PCDH8: variants seen among roughly 807,000 people sequenced by gnomAD.
PCDH8 encodes the protein protocadherin-8.
Under a neutral mutation model 58.2 loss-of-function variants are expected in PCDH8, and 36 were observed. That is an observed-to-expected ratio of 0.62 (90% CI 0.47 to 0.82). The LOEUF (loss-of-function observed/expected upper bound fraction) is 0.82. Among genes scored for constraint, PCDH8 ranks in the 40% least tolerant of loss-of-function variants. PCDH8 has a pLI of 0.00. For synonymous variants in PCDH8, 775 were observed against 728.9 expected (o/e 1.06, Z -1.02); for missense variants, 1,493 against 1,567.8 (o/e 0.95, Z 0.81).
In PCDH8 at chr13:52,845,273, C is replaced by T. The variant is rs1453017254; in HGVS notation, c.2839+152G>A. On this transcript the variant is annotated intron_variant, in intron 2 of 2. Transcript: ENST00000377942. ...CTCGACTTGGCATTTTGAAATTCAC[C>T]GTGTGAGGCAGGCCCGTATCCGCAG... 1.4e-5 allele frequency: 10 copies of T among 734,244 alleles called. No homozygotes were observed. The Admixed American group carries it at 2.3e-4, about 17-fold the overall frequency. The allele number at this position is 734,244 out of a possible 1,614,324, so 45.5% of individuals were successfully genotyped here. A position where few individuals can be genotyped will look rare whatever the true frequency, so the allele number is the denominator to read the frequency against.
In PCDH8 at chr13:52,847,367, G is replaced by T; in HGVS notation, c.1070C>A (p.Thr357Asn). ...CGGCGCGCCTGGGGCGGCCAGCGGG[G>T]TGATGGCGATGTCGGGTGCGTTGTC... ...VNDNAPDIAI[T>N]PLAAPGAPAT... is the part of the protein sequence containing the mutation. Residue 357 changes from threonine (T) to asparagine (N), a missense_variant, in exon 1 of 3, where the codon ACC becomes AAC. By Grantham distance (65) the Thr-to-Asn change is moderately conservative (BLOSUM62 0). Around this residue, in one of 3 missense-constraint regions of PCDH8, gnomAD observed 1,307 missense variants for 1,362.7 expected, o/e 0.96. Transcript: ENST00000377942. 1 of 1,512,830 alleles carries T rather than the reference G, an allele frequency of 6.6e-7. No homozygotes were observed. The highest frequency in any genetic ancestry group is 8.8e-7 in the Non-Finnish European group (1 of 1,136,748). 93.7% of individuals were successfully genotyped at this position (1,512,830 alleles called of 1,614,324 possible). A position where few individuals can be genotyped will look rare whatever the true frequency, so the allele number is the denominator to read the frequency against.
rs2138356919 is a variant in PCDH8 at position 52,847,670 on chromosome 13, G to A, written c.767C>T (p.Ala256Val). The A allele has an allele frequency of 6.4e-7, 1 of 1,565,970 alleles. No individual in the cohort carries two copies. The highest frequency in any genetic ancestry group is 8.6e-7 in the Non-Finnish European group (1 of 1,165,508). The change falls in exon 1 of 3, where the codon GCG becomes GTG. Residue 256 changes from alanine (A) to valine (V), a missense_variant. This residue lies in a region of PCDH8 where 1,307 missense variants were observed against 1,362.7 expected (regional missense o/e 0.96). Transcript: ENST00000377942. ...PQGAVAEVEL[A>V]EDAPVGSLLL... Reference sequence around the variant, plus strand: ...CAGGGAGCCCACGGGCGCGTCTTCCGCCAGCTCCACTTCGGCCACGGCGCC... The same window carrying A: ...CAGGGAGCCCACGGGCGCGTCTTCCACCAGCTCCACTTCGGCCACGGCGCC...
chr13:52,845,590 G>A lies in PCDH8; in HGVS notation c.2674C>T (p.Pro892Ser). ...GAGTGTCCTTTCCACACCGCCACAG[G>A]GGGCGCCGGCTCCTTTCCAAAACCC... ...SPGFGKEPAP[P>S]VAVWKGHSFN... Residue 892 changes from proline to serine, a missense_variant, in exon 2 of 3, where the codon CCT becomes TCT. Physicochemically the swap from Pro to Ser is moderately conservative, Grantham distance 74 (BLOSUM62 -1). This residue lies in a region of PCDH8 where 1,307 missense variants were observed against 1,362.7 expected (regional missense o/e 0.96). Transcript: ENST00000377942. 7.4e-6 allele frequency: 12 copies of A among 1,614,142 alleles called. No homozygotes were observed. The highest frequency in any genetic ancestry group is 1.0e-5 in the Non-Finnish European group (12 of 1,180,032).
chr13:52,846,362 A>G lies in PCDH8; in HGVS notation c.2075T>C (p.Ile692Thr). Residue 692 changes from isoleucine to threonine, a missense_variant, in exon 1 of 3, where the codon ATA becomes ACA. Around this residue, in one of 3 missense-constraint regions of PCDH8, gnomAD observed 1,307 missense variants for 1,362.7 expected, o/e 0.96. Transcript: ENST00000377942. ...GAGCGGGGGACGGCCGCCGTCGGAT[A>G]TGACCAGGAGCGCCCTGAACACGCG... ...PGRVFRALLV[I>T]SDGGRPPLTT... 1 of 1,576,046 alleles carries G rather than the reference A, an allele frequency of 6.3e-7. No individual in the cohort carries two copies. The highest frequency in any genetic ancestry group is 1.7e-4 in the Middle Eastern group (1 of 5,924).
In PCDH8 at chr13:52,848,228, T is replaced by C; in HGVS notation, c.209A>G (p.Asn70Ser). The C allele has an allele frequency of 2.5e-6, 4 of 1,613,570 alleles. No homozygotes were observed. The highest frequency in any genetic ancestry group is 2.5e-6 in the Non-Finnish European group (3 of 1,179,968). The change falls in exon 1 of 3, where the codon AAC becomes AGC. Residue 70 changes from asparagine to serine, a missense_variant. This residue lies in a region of PCDH8 where 1,307 missense variants were observed against 1,362.7 expected (regional missense o/e 0.96). Transcript: ENST00000377942. Reference protein sequence around the residue: ...DTSFRLMKQFNSSLLRVREGD... With the variant: ...DTSFRLMKQFSSSLLRVREGD... ...TTCGCGCACCCGGAGCAGAGAGCTG[T>C]TGAATTGCTTCATCAGGCGGAAGCT...
In PCDH8 at chr13:52,844,828, G is replaced by A. The variant is rs1351252109; in HGVS notation, c.2945C>T (p.Ala982Val). Residue 982 changes from alanine to valine, a missense_variant, in exon 3 of 3, where the codon GCC (alanine) becomes GTC (valine). Physicochemically the swap from Ala to Val is moderately conservative, Grantham distance 64. Coordinates refer to ENST00000377942, the MANE Select transcript of PCDH8 (RefSeq NM_002590.4). ...PNAHPSPHPP[A>V]QMSTFCKSTS... Reference sequence around the variant, plus strand: ...GCTCTTACAGAAGGTTGACATCTGGGCTGGTGGGTGAGGCGATGGATGTGC... The same window carrying A: ...GCTCTTACAGAAGGTTGACATCTGGACTGGTGGGTGAGGCGATGGATGTGC... 1 of 1,612,266 alleles carries A rather than the reference G, an allele frequency of 6.2e-7. No homozygotes were observed. The highest frequency in any genetic ancestry group is 8.5e-7 in the Non-Finnish European group (1 of 1,179,148).
At position 52,845,922 on chromosome 13, in the gene PCDH8, C is replaced by T. The variant is rs1265980141; in HGVS notation, c.2515G>A (p.Ala839Thr). ...KAPFGSPAAD[A>T]PPPAVAAAEV... ...GCCGCGGCGACCGCAGGCGGAGGCG[C>T]GTCCGCCGCGGGGCTGCCAAAGGGC... is the stretch of plus-strand genomic sequence containing the variant. Residue 839 changes from alanine to threonine, a missense_variant, in exon 1 of 3, where the codon GCG (alanine) becomes ACG (threonine). Coordinates refer to ENST00000377942, the MANE Select transcript of PCDH8 (RefSeq NM_002590.4). 4 of 1,478,648 alleles carry T rather than the reference C, an allele frequency of 2.7e-6. 1 individual carries two copies. The South Asian group carries it at 3.9e-5, about 15-fold the overall frequency. 91.6% of individuals were successfully genotyped at this position (1,478,648 alleles called of 1,614,324 possible).
rs758566629 is a variant in PCDH8, at chr13:52,846,005, C to G, written c.2432G>C (p.Gly811Ala). 6.8e-7 allele frequency: 1 copy of G among 1,470,180 alleles called. No homozygotes were observed. 91.1% of individuals were successfully genotyped at this position (1,470,180 alleles called of 1,614,324 possible). Residue 811 changes from glycine to alanine, a missense_variant, in exon 1 of 3, where the codon GGA becomes GCA. Gly to Ala is a moderately conservative substitution (Grantham distance 60). Transcript: ENST00000377942. The part of the protein sequence containing the change: ...APGSPEEAAR[G>A]AGPRPNMFDV... ...GAACATGTTGGGCCTGGGCCCGGCT[C>G]CCCGGGCGGCCTCCTCCGGGGAGCC...
Position 52,847,306 on chromosome 13 carries a change from A to AGCG in PCDH8, c.1128_1130dup (p.Ala378dup). 3.6e-6 allele frequency: 5 copies of AGCG among 1,401,968 alleles called. No homozygotes were observed. The highest frequency in any genetic ancestry group is 1.5e-5 in the African/African-American group (1 of 66,966). 86.8% of individuals were successfully genotyped at this position (1,401,968 alleles called of 1,614,324 possible). ...AGCTAGCGTCCGCTCCCCCGAGTGC[A>AGCG]GCGGCGGCGGCGGCAGCGGCGAAGG... On this transcript the variant is annotated inframe_insertion, in exon 1 of 3. Coordinates refer to ENST00000377942, the MANE Select transcript of PCDH8 (RefSeq NM_002590.4).
Position 52,846,592 on chromosome 13 carries a change from G to T in PCDH8, c.1845C>A (p.Ala615=). The change falls in exon 1 of 3, where the codon GCC becomes GCA. Residue 615 remains alanine, a synonymous_variant. Transcript: ENST00000377942. ...HAPVLVHPAP[A]NGSLEVAVPG... ...GCACCGCCACTTCTAGGGAGCCATT[G>T]GCTGGCGCCGGGTGCACCAGGACTG... 2 of 1,606,018 alleles carry T rather than the reference G, an allele frequency of 1.2e-6. No homozygotes were observed. The highest frequency in any genetic ancestry group is 1.7e-6 in the Non-Finnish European group (2 of 1,179,144).
Position 52,846,678 on chromosome 13 carries a change from G to C in PCDH8, c.1759C>G (p.Pro587Ala). ...ACTAGGGCGCTGCTGGAAAGCTGAG[G>C]GGAGCCGCCGTCGCTAGCTTGGATG... Reference protein sequence around the residue: ...VRIQASDGGSPQLSSSALVQV... With the variant: ...VRIQASDGGSAQLSSSALVQV... Residue 587 changes from proline (P) to alanine (A), a missense_variant, in exon 1 of 3, where the codon CCT becomes GCT. By Grantham distance (27) the Pro-to-Ala change is conservative. This residue lies in a region of PCDH8 where 1,307 missense variants were observed against 1,362.7 expected (regional missense o/e 0.96). Coordinates refer to ENST00000377942, the MANE Select transcript of PCDH8 (RefSeq NM_002590.4). 1 of 1,601,030 alleles carries C rather than the reference G, an allele frequency of 6.2e-7. No homozygotes were observed. The highest frequency in any genetic ancestry group is 8.5e-7 in the Non-Finnish European group (1 of 1,177,182).
At position 52,843,155 on chromosome 13, in the gene PCDH8, T is replaced by C. The variant is rs1187221417; in HGVS notation, c.*1405A>G. The C allele has an allele frequency of 2.0e-5, 3 of 152,238 alleles. No homozygotes were observed. Among genetic ancestry groups the C allele is most frequent in the Non-Finnish European group, 4.4e-5 (3 of 68,046 alleles). 9.4% of individuals were successfully genotyped at this position (152,238 alleles called of 1,614,324 possible). A position where few individuals can be genotyped will look rare whatever the true frequency, so the allele number is the denominator to read the frequency against. On this transcript the variant is annotated 3_prime_UTR_variant, in exon 3 of 3. Transcript: ENST00000377942. ...TTAGGTCTCATTATGCTTATCATCA[T>C]TTTAATTTCAAATGAAATCCATAGA...
rs762035455 is a variant in PCDH8, at chr13:52,846,129, T to C, written c.2308A>G (p.Ile770Val). Residue 770 changes from isoleucine (I) to valine (V), a missense_variant, in exon 1 of 3, where the codon ATC (isoleucine) becomes GTC (valine). Around this residue, in one of 3 missense-constraint regions of PCDH8, gnomAD observed 1,307 missense variants for 1,362.7 expected, o/e 0.96. Coordinates refer to ENST00000377942, the MANE Select transcript of PCDH8 (RefSeq NM_002590.4). ...TTGCGGCGGTTGCAGGTGGTGGCGATGGCGATGATGGCGGCCAGCAGCAGC... is the reference window on the plus strand; with the variant it reads ...TTGCGGCGGTTGCAGGTGGTGGCGACGGCGATGATGGCGGCCAGCAGCAGC... ...CTLLLAAIIAIATTCNRRKKE... is the reference protein window; with the variant it reads ...CTLLLAAIIAVATTCNRRKKE... 14 of 1,581,778 alleles carry C rather than the reference T, an allele frequency of 8.9e-6. No individual in the cohort carries two copies. The South Asian group carries it at 1.5e-4, about 17-fold the overall frequency.
At position 52,845,641 on chromosome 13, in the gene PCDH8, G is replaced by A. The variant is rs368639996; in HGVS notation, c.2632-9C>T. 3.8e-5 allele frequency: 62 copies of A among 1,613,418 alleles called. No homozygotes were observed. Among genetic ancestry groups the A allele is most frequent in the Non-Finnish European group, 5.1e-5 (60 of 1,179,874 alleles). On this transcript the variant is annotated splice_polypyrimidine_tract_variant and intron_variant, in intron 1 of 2. Coordinates refer to ENST00000377942, the MANE Select transcript of PCDH8 (RefSeq NM_002590.4). ...GGGGAGGCACCGTAGGGCTGCAGCA[G>A]GGAATAGGGGAATGGGAGTGGGGGG...
Position 52,847,473 on chromosome 13 carries a change from G to T in PCDH8, c.964C>A (p.Leu322Met), listed in dbSNP as rs529238870. ...CCGCGGTCCTGCGCCCGCACGTCCA[G>T]CTCGTAGGTGTCCTGACGCTCGTAG... ...VDYERQDTYE[L>M]DVRAQDRGPG... is the part of the protein sequence containing the mutation. The change falls in exon 1 of 3, where the codon CTG (leucine) becomes ATG (methionine). Residue 322 changes from leucine (L) to methionine (M), a missense_variant. Leu to Met is a conservative substitution (Grantham distance 15, BLOSUM62 2). Around this residue, in one of 3 missense-constraint regions of PCDH8, gnomAD observed 1,307 missense variants for 1,362.7 expected, o/e 0.96. Transcript: ENST00000377942. 2.5e-4 allele frequency: 399 copies of T among 1,592,278 alleles called. 1 individual carries two copies. Among genetic ancestry groups the T allele is most frequent in the Admixed American group, 3.2e-4 (19 of 59,172 alleles).
Position 52,845,815 on chromosome 13 carries a change from C to T in PCDH8, c.2622G>A (p.Ala874=), listed in dbSNP as rs1965721359. The part of the protein sequence containing the change: ...HFEGQQRLRG[A]HAEPYGASPG... ...CGAAGGAAGGCCTCACCTCGGCGTG[C>T]GCGCCGCGGAGCCGCTGCTGCCCCT... The change falls in exon 1 of 3, where the codon GCG becomes GCA. Residue 874 remains alanine, a synonymous_variant. Transcript: ENST00000377942. 2 of 1,503,692 alleles carry T rather than the reference C, an allele frequency of 1.3e-6. No individual in the cohort carries two copies. The highest frequency in any genetic ancestry group is 8.8e-7 in the Non-Finnish European group (1 of 1,134,586). The allele number at this position is 1,503,692 out of a possible 1,614,324, so 93.1% of individuals were successfully genotyped here.
rs1965728127 is a variant in PCDH8, at chr13:52,846,069, C to G, written c.2368G>C (p.Glu790Gln). Residue 790 changes from glutamate (E) to glutamine (Q), a missense_variant, in exon 1 of 3, where the codon GAG (glutamate) becomes CAG (glutamine). This residue lies in a region of PCDH8 where 1,307 missense variants were observed against 1,362.7 expected (regional missense o/e 0.96). Coordinates refer to ENST00000377942, the MANE Select transcript of PCDH8 (RefSeq NM_002590.4). ...EVRKGGALRE[E>Q]RPGAAGGGAS... is the part of the protein sequence containing the mutation. ...CCGCCGCCCGCCGCCCCGGGCCGCTCTTCCCGGAGGGCCCCCCCTTTGCGC... is the reference window on the plus strand; with the variant it reads ...CCGCCGCCCGCCGCCCCGGGCCGCTGTTCCCGGAGGGCCCCCCCTTTGCGC... The G allele has an allele frequency of 6.5e-7, 1 of 1,543,590 alleles. No individual in the cohort carries two copies. The highest frequency in any genetic ancestry group is 8.6e-7 in the Non-Finnish European group (1 of 1,157,924).
chr13:52,846,131 G>C lies in PCDH8; in HGVS notation c.2306C>G (p.Ala769Gly), dbSNP rs767232609. Reference sequence around the variant, plus strand: ...GCGGCGGTTGCAGGTGGTGGCGATGGCGATGATGGCGGCCAGCAGCAGCGT... The same window carrying C: ...GCGGCGGTTGCAGGTGGTGGCGATGCCGATGATGGCGGCCAGCAGCAGCGT... ...SCTLLLAAII[A>G]IATTCNRRKK... Residue 769 changes from alanine (A) to glycine (G), a missense_variant, in exon 1 of 3, where the codon GCC (alanine) becomes GGC (glycine). This residue lies in a region of PCDH8 where 1,307 missense variants were observed against 1,362.7 expected (regional missense o/e 0.96). Transcript: ENST00000377942. 13 of 1,582,606 alleles carry C rather than the reference G, an allele frequency of 8.2e-6. No individual in the cohort carries two copies. Among genetic ancestry groups the C allele is most frequent in the Non-Finnish European group, 9.4e-6 (11 of 1,171,962 alleles).
chr13:52,846,970 G>A lies in PCDH8; in HGVS notation c.1467C>T (p.Asp489=), dbSNP rs1234545870. Reference sequence around the variant, plus strand: ...TGAAGAGCGGCGCGTTGTCGTTCTCGTCGCCCACACGCACCGTGTAGGGCC... The same window carrying A: ...TGAAGAGCGGCGCGTTGTCGTTCTCATCGCCCACACGCACCGTGTAGGGCC... ...TVRPYTVRVG[D]ENDNAPLFTR... Residue 489 remains aspartate (D), a synonymous_variant, in exon 1 of 3, where the codon GAC becomes GAT. Transcript: ENST00000377942. 6.3e-7 allele frequency: 1 copy of A among 1,595,100 alleles called. No individual in the cohort carries two copies. The highest frequency in any genetic ancestry group is 2.3e-5 in the East Asian group (1 of 43,818).
Sources: allele counts gnomAD v4.1 joint callset, GRCh38; gene constraint gnomAD v4.1.1; regional missense constraint gnomAD v4.1.1; transcripts MANE v1.5; gene names NCBI Gene and HGNC (gene_info 2026-07-23, HGNC 2026-07-21).